ATP13A4: variants seen among roughly 807,000 people sequenced by gnomAD.
ATP13A4 encodes the protein probable cation-transporting ATPase 13A4.
Under a neutral mutation model 142.5 loss-of-function variants are expected in ATP13A4, and 114 were observed. The observed-to-expected ratio is 0.80, with a 90% CI of 0.69 to 0.93. The LOEUF is 0.93. Among genes scored for constraint, ATP13A4 ranks in the 40% least tolerant of loss-of-function variants. The probability of loss-of-function intolerance (pLI) is 0.00; values close to 1 mark genes in which losing one functional copy is unlikely to be tolerated. For synonymous variants in ATP13A4, 488 were observed against 514.8 expected (o/e 0.95, Z 0.70); for missense variants, 1,392 against 1,454.0 (o/e 0.96, Z 0.69).
Position 193,541,065 on chromosome 3 carries a change from C to T in ATP13A4, c.60+13675G>A, listed in dbSNP as rs1240235716. On this transcript the variant is annotated intron_variant, in intron 1 of 29. Transcript: ENST00000342695. Reference sequence around the variant, plus strand: ...GAGATCGAGAGCATCCTGGCTAACACGGTGAAACCCCGTCTCTACTAAAAA... The same window carrying T: ...GAGATCGAGAGCATCCTGGCTAACATGGTGAAACCCCGTCTCTACTAAAAA... Among the ~76,000 whole-genome samples the T allele has an allele frequency of 4.0e-5, 6 of 151,792 alleles. No homozygotes were observed. The South Asian group carries it at 8.3e-4, about 21-fold the overall frequency.
chr3:193,538,808 A>G (rs763422838), intron 1 of ATP13A4, among the ~76,000 whole-genome samples: 19 of 151,990 alleles, frequency 1.3e-4, no homozygotes, highest in Non-Finnish European at 2.1e-4. Flanking sequence ...GTCTCTCACA[A>G]CTATTCAGAT....
chr3:193,445,149 G>C (rs11918231), intron 18 of ATP13A4, among the ~76,000 whole-genome samples: 5,922 of 152,210 alleles, frequency 0.039, 378 homozygotes, highest in African/African-American at 0.13. Flanking sequence ...AAAATAAGGA[G>C]AGCACTGGCC....
chr3:193,405,427 C>A (rs1032164253), intron 29 of ATP13A4, among the ~76,000 whole-genome samples: 1 of 152,192 alleles, frequency 6.6e-6, no homozygotes, highest in Non-Finnish European at 1.5e-5. Context: ...AGGAAGTCTG[C>A]TGGTGAGCTT....
chr3:193,458,906 T>A, intron 14 of ATP13A4, 175 bp downstream of exon 14: 1 of 798,480 alleles, frequency 1.3e-6, no homozygotes, highest in South Asian at 1.4e-5. Flanking sequence ...TAGATGCTAT[T>A]ATTAGCTTCA....
At chr3:193,426,505 G>A (rs1031603136) in intron 25 of ATP13A4, among the ~76,000 whole-genome samples, 5 of 151,824 alleles carry the variant, frequency 3.3e-5, no homozygotes, top group African/African-American at 1.2e-4. Context: ...GAGAAATGGA[G>A]TCAGTCCTCA....
intron 1 of ATP13A4, among the ~76,000 whole-genome samples, chr3:193,528,016 C>T (rs1375225909): frequency 1.3e-5 from 2 of 152,192 alleles, no homozygotes; most frequent in Non-Finnish European, 2.9e-5. Flanking sequence ...AACTCTCGTC[C>T]GTTGAGATGC....
intron 8 of ATP13A4, among the ~76,000 whole-genome samples, chr3:193,483,667 T>C (rs777237203): frequency 6.6e-6 from 1 of 152,126 alleles, no homozygotes; most frequent in African/African-American, 2.4e-5. Flanking sequence ...GGTTTCACCG[T>C]GTTAGCCAGG....
chr3:193,456,041 G>C (rs975693740), intron 16 of ATP13A4, among the ~76,000 whole-genome samples: 5 of 152,108 alleles, frequency 3.3e-5, no homozygotes, highest in African/African-American at 1.2e-4. Context: ...TGGCAGGAGG[G>C]AGAGGATCAG....
chr3:193,492,411 C>A (rs574421512), intron 5 of ATP13A4, among the ~76,000 whole-genome samples: 1 of 152,280 alleles, frequency 6.6e-6, no homozygotes, highest in South Asian at 2.1e-4. Context: ...TCTCCTCTGC[C>A]TAATAACTGA....
intron 2 of ATP13A4, among the ~76,000 whole-genome samples, chr3:193,502,856 A>G (rs1720631049): frequency 6.6e-6 from 1 of 152,224 alleles, no homozygotes; most frequent in South Asian, 2.1e-4. Context: ...AAGATGAGGC[A>G]CTGACACATA....
intron 1 of ATP13A4, among the ~76,000 whole-genome samples, chr3:193,521,225 T>A (rs1210930253): frequency 6.6e-6 from 1 of 152,124 alleles, no homozygotes; most frequent in Non-Finnish European, 1.5e-5. Flanking sequence ...TTAAAATAAC[T>A]ATAATTCAGG....
Position 193,517,458 on chromosome 3 carries a change from G to A in ATP13A4, c.61-2587C>T, listed in dbSNP as rs145282316. ...AGCGAATGCTTCACTGTAATTTCCA[G>A]GCACTACAACCAACTGTTTTGTTTT... On this transcript the variant is annotated intron_variant, in intron 1 of 29. Transcript: ENST00000342695. Among the ~76,000 whole-genome samples the A allele has an allele frequency of 2.2e-4, 34 of 152,234 alleles. No homozygotes were observed. In the East Asian group the frequency reaches 6.6e-3, roughly 29 times the overall value.
At position 193,412,158 on chromosome 3, in the gene ATP13A4, T is replaced by C. The variant is rs560014629; in HGVS notation, c.3208+20A>G. 5.1e-6 allele frequency: 8 copies of C among 1,575,688 alleles called. No homozygotes were observed. The East Asian group carries it at 9.0e-5, about 18-fold the overall frequency. ...CTCTCTGATGACTTCTCACCTCTGATGCAGTACAGTTCTACTCACAGTTTG... is the reference window on the plus strand; with the variant it reads ...CTCTCTGATGACTTCTCACCTCTGACGCAGTACAGTTCTACTCACAGTTTG... On this transcript the variant is annotated intron_variant, in intron 27 of 29. Transcript: ENST00000342695.
At chr3:193,507,317 A>C (rs1299140189) in intron 2 of ATP13A4, among the ~76,000 whole-genome samples, 1 of 152,090 alleles carries the variant, frequency 6.6e-6, no homozygotes, top group Non-Finnish European at 1.5e-5. Flanking sequence ...AAATTCTTTT[A>C]TTTTTACAGC....
intron 28 of ATP13A4, among the ~76,000 whole-genome samples, chr3:193,409,989 A>G (rs754166288): frequency 1.1e-4 from 17 of 152,224 alleles, no homozygotes; most frequent in Admixed American, 8.5e-4. Flanking sequence ...AAAGCACTCA[A>G]TTAAAAGAGC....
Position 193,400,046 on chromosome 3 carries a change from G to A in ATP13A4, c.*2606C>T, listed in dbSNP as rs1714216010. On this transcript the variant is annotated 3_prime_UTR_variant, in exon 30 of 30. Coordinates refer to ENST00000342695, the MANE Select transcript of ATP13A4 (RefSeq NM_032279.4). ...GCTATCAGTGCTGGCTGTTAGGACA[G>A]TGGTTAGGGCAGATGGCCTGAAGCC... is the stretch of plus-strand genomic sequence containing the variant. Among the ~76,000 whole-genome samples the A allele has an allele frequency of 6.6e-6, 1 of 152,146 alleles. No homozygotes were observed. The highest frequency in any genetic ancestry group is 1.5e-5 in the Non-Finnish European group (1 of 68,016).
At chr3:193,403,753 T>C (rs1464149417) in intron 29 of ATP13A4, 8 of 984,380 alleles carry the variant, frequency 8.1e-6, no homozygotes, top group Non-Finnish European at 8.4e-6. Flanking sequence ...TTTTCCACTT[T>C]TATCATGTTT....
chr3:193,423,894 T>C (rs1715521682), intron 25 of ATP13A4, among the ~76,000 whole-genome samples: 1 of 149,234 alleles, frequency 6.7e-6, no homozygotes, highest in African/African-American at 2.5e-5. Context: ...ATTGTCCCTG[T>C]TTGGTGGTGG....
intron 25 of ATP13A4, among the ~76,000 whole-genome samples, chr3:193,433,256 A>G (rs1408488405): frequency 6.6e-6 from 1 of 152,218 alleles, no homozygotes; most frequent in Non-Finnish European, 1.5e-5. Flanking sequence ...GTGTTTGGGA[A>G]GGAAGTACAT....
Sources: gnomAD v4.1 joint callset for allele counts (sites outside exome capture counted in the v4.1 genomes callset) on GRCh38, gnomAD v4.1.1 for gene constraint, MANE v1.5 for transcripts, NCBI Gene and HGNC (gene_info 2026-07-23, HGNC 2026-07-21) for gene names.